PODXL: variants seen among roughly 807,000 people sequenced by gnomAD.
PODXL encodes the protein podocalyxin.
A neutral mutation model predicts 48.9 loss-of-function variants in PODXL; 20 were observed. That is an observed-to-expected ratio of 0.41 (90% CI 0.29 to 0.59). The LOEUF (loss-of-function observed/expected upper bound fraction) is 0.59, where lower values mean the gene tolerates loss of function less well. Among genes scored for constraint, PODXL ranks in the 20% least tolerant of loss-of-function variants. The pLI is 0.31. For missense variants in PODXL, 606 were observed against 675.1 expected (o/e 0.90, Z 1.13); for synonymous variants, 295 against 287.4 (o/e 1.03, Z -0.27).
At chr7:131,545,613 T>A (rs1798562566) in intron 1 of PODXL, among the ~76,000 whole-genome samples, 1 of 152,152 alleles carries the variant, frequency 6.6e-6, no homozygotes, top group South Asian at 2.1e-4. Flanking sequence ...GATGTTCTAC[T>A]AAATCTAGAT....
chr7:131,507,072 G>A (rs913835985), intron 5 of PODXL: 9 of 255,408 alleles, frequency 3.5e-5, no homozygotes, highest in South Asian at 5.7e-5. Context: ...TCCCTAGAAC[G>A]GGCTAGAGAG....
rs571389057 is a variant in PODXL, at chr7:131,552,522, G to T, written c.100+3738C>A. The stretch of plus-strand genomic sequence containing the variant: ...GGTTCCTGAGGAAAACCAGATGGGG[G>T]ACAGCCTCCATGCCTCTTCCCCCAC... On this transcript the variant is annotated intron_variant, in intron 1 of 8. Transcript: ENST00000378555. 2.0e-5 allele frequency among the ~76,000 whole-genome samples: 3 copies of T among 152,252 alleles called. No individual in the cohort carries two copies. In the East Asian group the frequency reaches 5.8e-4, roughly 29 times the overall value.
chr7:131,521,575 GACCC>G (rs552949879), intron 1 of PODXL, among the ~76,000 whole-genome samples: 58 of 152,208 alleles, frequency 3.8e-4, no homozygotes, highest in African/African-American at 1.1e-3. Flanking sequence ...CCTCGTGATG[GACCC>G]ACCTCGGCTT....
chr7:131,527,141 A>G (rs1798200707), intron 1 of PODXL, among the ~76,000 whole-genome samples: 1 of 152,234 alleles, frequency 6.6e-6, no homozygotes, highest in Admixed American at 6.5e-5. Context: ...CATTGGCCCC[A>G]TACAGGTAGC....
intron 1 of PODXL, among the ~76,000 whole-genome samples, chr7:131,515,873 T>A (rs922543340): frequency 9.2e-5 from 14 of 152,232 alleles, no homozygotes; most frequent in African/African-American, 3.4e-4. Context: ...CTCATCATGA[T>A]CCCCACTGCT....
rs1001433091 is a variant in PODXL at position 131,501,798 on chromosome 7, T to A, written c.*2513A>T. 3 of 152,216 alleles carry A rather than the reference T, an allele frequency of 2.0e-5. No homozygotes were observed. Among genetic ancestry groups the A allele is most frequent in the African/African-American group, 7.2e-5 (3 of 41,446 alleles). The allele number at this position is 152,216 out of a possible 1,614,324, so 9.4% of individuals were successfully genotyped here. ...AGAACCCAGTAAAGGTGGCAGAAGA[T>A]GATGACCTTTATAGATGCATGGCTG... On this transcript the variant is annotated 3_prime_UTR_variant, in exon 9 of 9. Coordinates refer to ENST00000378555, the MANE Select transcript of PODXL (RefSeq NM_001018111.3).
At chr7:131,529,681 AAAGGG>A (rs1269522907) in intron 1 of PODXL, among the ~76,000 whole-genome samples, 1 of 151,794 alleles carries the variant, frequency 6.6e-6, no homozygotes, top group Non-Finnish European at 1.5e-5. Flanking sequence ...TTGGTGTGCC[AAAGGG>A]AAGAGCGCAG....
At chr7:131,547,374 C>CAAA (rs10683140) in intron 1 of PODXL, among the ~76,000 whole-genome samples, 967 of 68,528 alleles carry the variant, frequency 0.014, 83 homozygotes, top group South Asian at 0.056. Flanking sequence ...AACTCCGTCT[C>CAAA]AAAAAAAAAA....
At position 131,511,003 on chromosome 7, in the gene PODXL, A is replaced by T; in HGVS notation, c.531T>A (p.His177Gln). 1 of 1,614,012 alleles carries T rather than the reference A, an allele frequency of 6.2e-7. No homozygotes were observed. Among genetic ancestry groups the T allele is most frequent in the Non-Finnish European group, 8.5e-7 (1 of 1,180,004 alleles). ...GACTTGTAGGGTGAGGGGTCGTCAGATGTTCTGCCTTAGTGGATGTGAGGT... is the reference window on the plus strand; with the variant it reads ...GACTTGTAGGGTGAGGGGTCGTCAGTTGTTCTGCCTTAGTGGATGTGAGGT... The part of the protein sequence containing the change: ...TTDLTSTKAE[H>Q]LTTPHPTSPL... Residue 177 changes from histidine to glutamine, a missense_variant, in exon 2 of 9, where the codon CAT becomes CAA. Transcript: ENST00000378555.
intron 1 of PODXL, among the ~76,000 whole-genome samples, chr7:131,523,360 C>A (rs1018217799): frequency 6.6e-6 from 1 of 152,082 alleles, no homozygotes; most frequent in Non-Finnish European, 1.5e-5. Flanking sequence ...TCAATCAATG[C>A]AATTCAACAC....
rs186754164 is a variant in PODXL at position 131,528,401 on chromosome 7, C to T, written c.101-16968G>A. ...AAAATACTCATGTTGGAAATAGGAA[C>T]GTGAACCTCTTAGAAAAGAGGTTCT... On this transcript the variant is annotated intron_variant, in intron 1 of 8. Transcript: ENST00000378555. 1.1e-3 allele frequency among the ~76,000 whole-genome samples: 167 copies of T among 152,254 alleles called. 2 individuals carry two copies. Among genetic ancestry groups the T allele is most frequent in the African/African-American group, 3.6e-3 (150 of 41,522 alleles).
intron 1 of PODXL, among the ~76,000 whole-genome samples, chr7:131,546,845 C>T (rs1291602766): frequency 6.6e-6 from 1 of 152,048 alleles, no homozygotes. Flanking sequence ...CAGGGGGCGC[C>T]ATCTCAGTGG....
chr7:131,526,895 C>T (rs1377628710), intron 1 of PODXL, among the ~76,000 whole-genome samples: 2 of 151,894 alleles, frequency 1.3e-5, no homozygotes, highest in African/African-American at 2.4e-5. Flanking sequence ...CCCGTCACCA[C>T]GGCCGGCTAA....
intron 1 of PODXL, among the ~76,000 whole-genome samples, chr7:131,551,466 T>C (rs1798666208): frequency 6.6e-6 from 1 of 152,182 alleles, no homozygotes; most frequent in Non-Finnish European, 1.5e-5. Context: ...CTTTCTCTGA[T>C]TATGTAGGAA....
chr7:131,532,104 A>AAATAATAATAAT (rs34353284), intron 1 of PODXL, among the ~76,000 whole-genome samples: 62 of 137,214 alleles, frequency 4.5e-4, no homozygotes, highest in Admixed American at 1.1e-3. Flanking sequence ...CTCCATCTCA[A>AAATAATAATAAT]AATAATAATA....
chr7:131,527,570 G>A (rs1372762209), intron 1 of PODXL, among the ~76,000 whole-genome samples: 2 of 152,224 alleles, frequency 1.3e-5, no homozygotes, highest in Non-Finnish European at 2.9e-5. Context: ...CAACCACCAT[G>A]TGCAGTTTCA....
chr7:131,540,001 T>C (rs1244377042), intron 1 of PODXL, among the ~76,000 whole-genome samples: 1 of 152,214 alleles, frequency 6.6e-6, no homozygotes, highest in Non-Finnish European at 1.5e-5. Context: ...TGATCTCATT[T>C]GTGTCTCCAG....
At chr7:131,526,367 G>A (rs183891936) in intron 1 of PODXL, among the ~76,000 whole-genome samples, 73 of 152,118 alleles carry the variant, frequency 4.8e-4, no homozygotes, top group Admixed American at 1.0e-3. Context: ...AAATATCCAC[G>A]AGTCTAATCT....
chr7:131,522,584 G>T (rs1212485411), intron 1 of PODXL, among the ~76,000 whole-genome samples: 2 of 152,160 alleles, frequency 1.3e-5, no homozygotes, highest in Non-Finnish European at 2.9e-5. Flanking sequence ...GTGCACCGAA[G>T]GTATTCATAG....
Sources: gnomAD v4.1 joint callset for allele counts (sites outside exome capture counted in the v4.1 genomes callset) on GRCh38, gnomAD v4.1.1 for gene constraint, MANE v1.5 for transcripts, NCBI Gene and HGNC (gene_info 2026-07-23, HGNC 2026-07-21) for gene names.